CTNNA2: variants seen among roughly 807,000 people sequenced by gnomAD.
CTNNA2 encodes catenin alpha 2, also known as catenin alpha-2.
A neutral mutation model predicts 101.0 loss-of-function variants in CTNNA2; 42 were observed. The ratio of observed to expected loss-of-function variants is 0.42; its 90% CI spans 0.32 to 0.54. The LOEUF is 0.54. Among genes scored for constraint, CTNNA2 ranks in the 20% least tolerant of loss-of-function variants. CTNNA2 has a pLI of 0.14. For synonymous variants in CTNNA2, 450 were observed against 456.4 expected (o/e 0.99, Z 0.18); for missense variants, 871 against 1,223.1 (o/e 0.71, Z 4.29).
chr2:80,285,873 C>G (rs1356021158), intron 7 of CTNNA2, among the ~76,000 whole-genome samples: 3 of 152,124 alleles, frequency 2.0e-5, no homozygotes. Flanking sequence ...ATAAAATTCC[C>G]TATACAACAA....
At chr2:79,716,957 T>C (rs551619895) in intron 2 of CTNNA2, among the ~76,000 whole-genome samples, 1 of 152,238 alleles carries the variant, frequency 6.6e-6, no homozygotes, top group African/African-American at 2.4e-5. Flanking sequence ...GGAAAAAAGG[T>C]GCTGAAATTT....
chr2:79,467,536 G>A (rs1670952396), intron 4 of CTNNA2, among the ~76,000 whole-genome samples: 1 of 152,104 alleles, frequency 6.6e-6, no homozygotes, highest in Non-Finnish European at 1.5e-5. Flanking sequence ...ATGCCACAAA[G>A]ATACTCCTTG....
At chr2:79,269,684 A>G (rs1172575152) in intron 2 of CTNNA2, among the ~76,000 whole-genome samples, 1 of 152,160 alleles carries the variant, frequency 6.6e-6, no homozygotes, top group Non-Finnish European at 1.5e-5. Flanking sequence ...ACTTCCCTCA[A>G]GCAGGGTTAA....
At chr2:80,482,750 T>C (rs540115186) in intron 9 of CTNNA2, among the ~76,000 whole-genome samples, 1 of 152,304 alleles carries the variant, frequency 6.6e-6, no homozygotes, top group East Asian at 1.9e-4. Context: ...AATCAGGAGA[T>C]TTTTTACATA....
intron 7 of CTNNA2, among the ~76,000 whole-genome samples, chr2:80,325,931 A>G (rs1679199039): frequency 6.6e-6 from 1 of 152,198 alleles, no homozygotes; most frequent in Admixed American, 6.5e-5. Flanking sequence ...CTGGTGGGCA[A>G]ACAGATTATC....
chr2:80,306,171 A>G (rs1443296759), intron 7 of CTNNA2, among the ~76,000 whole-genome samples: 1 of 152,202 alleles, frequency 6.6e-6, no homozygotes, highest in Non-Finnish European at 1.5e-5. Flanking sequence ...TGCCCTGGTC[A>G]TTCATCTCTG....
intron 3 of CTNNA2, among the ~76,000 whole-genome samples, chr2:79,356,596 T>C (rs1558643283): frequency 6.6e-6 from 1 of 152,214 alleles, no homozygotes; most frequent in Non-Finnish European, 1.5e-5. Context: ...GGCTTTTAAT[T>C]TGAGGCAAGC....
intron 3 of CTNNA2, among the ~76,000 whole-genome samples, chr2:79,336,429 C>T (rs573051654): frequency 1.9e-4 from 29 of 152,242 alleles, no homozygotes; most frequent in African/African-American, 6.7e-4. Context: ...GATAGCCTTG[C>T]CATATGTCCA....
At chr2:79,686,394 G>C (rs1558837655) in intron 2 of CTNNA2, among the ~76,000 whole-genome samples, 1 of 152,138 alleles carries the variant, frequency 6.6e-6, no homozygotes, top group Non-Finnish European at 1.5e-5. Context: ...CAACCCTCTA[G>C]AATAAAGCTA....
At chr2:80,136,386 G>A (rs889686092) in intron 7 of CTNNA2, among the ~76,000 whole-genome samples, 9 of 152,126 alleles carry the variant, frequency 5.9e-5, no homozygotes, top group African/African-American at 2.2e-4. Flanking sequence ...GTGATTTATT[G>A]ATTGCTATAG....
intron 4 of CTNNA2, among the ~76,000 whole-genome samples, chr2:79,442,633 G>A (rs534182976): frequency 1.3e-5 from 2 of 152,244 alleles, no homozygotes; most frequent in South Asian, 2.1e-4. Flanking sequence ...TTTATTAGAT[G>A]CAATAGGCAA....
At chr2:79,410,087 A>G (rs1678391323) in intron 4 of CTNNA2, among the ~76,000 whole-genome samples, 1 of 148,398 alleles carries the variant, frequency 6.7e-6, no homozygotes, top group African/African-American at 2.5e-5. Flanking sequence ...TTCACTCATG[A>G]TTTGGCCCTC....
chr2:80,063,319 A>G (rs577853283), intron 7 of CTNNA2, among the ~76,000 whole-genome samples: 3 of 152,112 alleles, frequency 2.0e-5, no homozygotes, highest in Non-Finnish European at 4.4e-5. Context: ...GTAGTTATCA[A>G]TCCCATTGTT....
intron 2 of CTNNA2, among the ~76,000 whole-genome samples, chr2:79,732,171 T>G (rs1206731305): frequency 1.3e-5 from 2 of 152,038 alleles, no homozygotes; most frequent in African/African-American, 4.8e-5. Flanking sequence ...AAGAAAAAGT[T>G]TGAAATCTGA....
At chr2:80,114,131 G>T (rs1225518737) in intron 7 of CTNNA2, among the ~76,000 whole-genome samples, 1 of 152,120 alleles carries the variant, frequency 6.6e-6, no homozygotes, top group Non-Finnish European at 1.5e-5. Flanking sequence ...AATGTACATT[G>T]TTCTTCTATC....
chr2:80,321,675 G>A (rs2149246858), intron 7 of CTNNA2, among the ~76,000 whole-genome samples: 1 of 152,304 alleles, frequency 6.6e-6, no homozygotes, highest in African/African-American at 2.4e-5. Flanking sequence ...AAAAAAGTCT[G>A]TATATGCTAC....
intron 2 of CTNNA2, among the ~76,000 whole-genome samples, chr2:79,721,780 C>T (rs1280386551): frequency 6.6e-6 from 1 of 152,144 alleles, no homozygotes; most frequent in Non-Finnish European, 1.5e-5. Flanking sequence ...AGGAAGTCCT[C>T]ATTATTAGAA....
chr2:79,879,169 G>A (rs757846473), intron 6 of CTNNA2, among the ~76,000 whole-genome samples: 2 of 151,842 alleles, frequency 1.3e-5, no homozygotes, highest in African/African-American at 4.8e-5. Flanking sequence ...CTTCTGTTCC[G>A]TTGGTCTGTC....
At chr2:80,278,554 G>T (rs963172657) in intron 7 of CTNNA2, among the ~76,000 whole-genome samples, 1 of 152,056 alleles carries the variant, frequency 6.6e-6, no homozygotes, top group African/African-American at 2.4e-5. Context: ...CAGCCAGAAG[G>T]CATATCCTGC....
Sources: allele counts gnomAD v4.1 joint callset (sites outside exome capture counted in the v4.1 genomes callset), GRCh38; gene constraint gnomAD v4.1.1; transcripts MANE v1.5; gene names NCBI Gene and HGNC (gene_info 2026-07-23, HGNC 2026-07-21).